DOCK1: variants seen among roughly 807,000 people sequenced by gnomAD.
DOCK1 encodes the protein dedicator of cytokinesis 1.
A neutral mutation model predicts 262.7 loss-of-function variants in DOCK1; 138 were observed. The observed-to-expected ratio is 0.53, with a 90% CI of 0.46 to 0.61. The LOEUF (loss-of-function observed/expected upper bound fraction) is 0.61, where lower values mean the gene tolerates loss of function less well. Ranked by LOEUF, DOCK1 falls within the 20% of genes least tolerant of loss-of-function variation. The pLI, the probability that DOCK1 is intolerant of heterozygous loss-of-function variation, is 0.00. For missense variants in DOCK1, 1,908 were observed against 2,370.7 expected (o/e 0.80, Z 4.05); for synonymous variants, 866 against 867.4 (o/e 1.00, Z 0.03).
At chr10:127,349,380 A>G (rs2133830346) in intron 31 of DOCK1, among the ~76,000 whole-genome samples, 2 of 152,140 alleles carry the variant, frequency 1.3e-5, no homozygotes, top group African/African-American at 4.8e-5. Flanking sequence ...CTTCGCTCTC[A>G]GGACTCTCCT....
At chr10:127,095,420 G>A (rs1285542663) in intron 23 of DOCK1, among the ~76,000 whole-genome samples, 1 of 152,216 alleles carries the variant, frequency 6.6e-6, no homozygotes, top group Admixed American at 6.5e-5. Flanking sequence ...TGAGTCAGGT[G>A]CAGGCTTCGG....
chr10:127,199,854 A>G (rs1407680040), intron 27 of DOCK1, among the ~76,000 whole-genome samples: 12 of 152,192 alleles, frequency 7.9e-5, no homozygotes, highest in Non-Finnish European at 1.5e-4. Flanking sequence ...CAATGTCCAC[A>G]TGCATGCTCC....
chr10:126,991,304 C>G (rs1275705151), intron 6 of DOCK1, among the ~76,000 whole-genome samples: 1 of 152,158 alleles, frequency 6.6e-6, no homozygotes, highest in Non-Finnish European at 1.5e-5. Flanking sequence ...GGTCCTGTAA[C>G]TAGAATGAGG....
chr10:127,237,587 A>G (rs1362903549), intron 27 of DOCK1, among the ~76,000 whole-genome samples: 1 of 152,174 alleles, frequency 6.6e-6, no homozygotes, highest in African/African-American at 2.4e-5. Context: ...TGCAAAAGCA[A>G]CAAAGCCCTC....
At chr10:127,384,646 C>A (rs948105510) in intron 37 of DOCK1, 144 bp from the exon 38 acceptor site, 2 of 1,021,104 alleles carry the variant, frequency 2.0e-6, no homozygotes. Context: ...GAGGCTCTGC[C>A]CTGGCAGTCC....
At position 127,385,716 on chromosome 10, in the gene DOCK1, C is replaced by A. The variant is rs1295368520; in HGVS notation, c.3927+807C>A. 2.0e-5 allele frequency among the ~76,000 whole-genome samples: 3 copies of A among 152,290 alleles called. No homozygotes were observed. The East Asian group carries it at 5.8e-4, about 30-fold the overall frequency. ...ATGTCACAGTGTTGGCGTGGCCGCCCCCTCTGAAGGCTGCAGGGGAAAATC... is the reference window on the plus strand; with the variant it reads ...ATGTCACAGTGTTGGCGTGGCCGCCACCTCTGAAGGCTGCAGGGGAAAATC... On this transcript the variant is annotated intron_variant, in intron 38 of 51. Coordinates refer to ENST00000623213, the MANE Select transcript of DOCK1 (RefSeq NM_001290223.2).
chr10:127,347,876 TCCCTTCC>T (rs1565012403), intron 31 of DOCK1, among the ~76,000 whole-genome samples: 1 of 33,506 alleles, frequency 3.0e-5, no homozygotes, highest in African/African-American at 1.3e-4. Context: ...TCCCTTCCCT[TCCCTTCC>T]CATCCCTTCC....
chr10:127,136,232 G>A (rs1042940080), intron 27 of DOCK1: 2 of 152,044 alleles, frequency 1.3e-5, no homozygotes, highest in South Asian at 2.1e-4. Context: ...CTAGGTCCTT[G>A]TAGAATCAAA....
intron 31 of DOCK1, among the ~76,000 whole-genome samples, chr10:127,348,206 C>A (rs1459067601): frequency 6.6e-6 from 1 of 151,896 alleles, no homozygotes; most frequent in Non-Finnish European, 1.5e-5. Context: ...ACTGGCTCAA[C>A]CTTCAGACAT....
intron 1 of DOCK1, among the ~76,000 whole-genome samples, chr10:126,914,431 C>G (rs1223009233): frequency 6.6e-6 from 1 of 152,142 alleles, no homozygotes; most frequent in African/African-American, 2.4e-5. Context: ...TAGACAGGCT[C>G]TTGGTCTACT....
intron 32 of DOCK1, among the ~76,000 whole-genome samples, chr10:127,361,275 A>G (rs748166358): frequency 8.8e-4 from 134 of 151,480 alleles, no homozygotes; most frequent in Non-Finnish European, 1.5e-3. Flanking sequence ...TACCACGCCC[A>G]GCTGATTTTT....
chr10:127,142,813 T>G (rs2051398094), intron 27 of DOCK1, among the ~76,000 whole-genome samples: 1 of 152,230 alleles, frequency 6.6e-6, no homozygotes, highest in South Asian at 2.1e-4. Context: ...GATGCATGAT[T>G]AAAGCAACTG....
chr10:127,275,316 A>C (rs924468722), intron 29 of DOCK1, among the ~76,000 whole-genome samples: 5 of 152,134 alleles, frequency 3.3e-5, no homozygotes, highest in African/African-American at 1.2e-4. Flanking sequence ...ATAGAAATTA[A>C]CAGAGAAGTA....
At chr10:127,104,085 T>C (rs1184771454) in intron 23 of DOCK1, among the ~76,000 whole-genome samples, 1 of 152,220 alleles carries the variant, frequency 6.6e-6, no homozygotes, top group Non-Finnish European at 1.5e-5. Context: ...GAGAATTGCC[T>C]CTTCATCTCT....
chr10:126,975,766 C>T (rs1018188699), intron 2 of DOCK1, among the ~76,000 whole-genome samples: 3 of 149,004 alleles, frequency 2.0e-5, no homozygotes, highest in East Asian at 2.0e-4. Flanking sequence ...TACAGGTGCA[C>T]GCCACCACGC....
intron 29 of DOCK1, among the ~76,000 whole-genome samples, chr10:127,266,496 C>CACACACACAT (rs926079609): frequency 1.3e-5 from 2 of 151,918 alleles, no homozygotes; most frequent in African/African-American, 2.4e-5. Flanking sequence ...CACACACACA[C>CACACACACAT]ACACACACAC....
chr10:127,162,941 C>T (rs2053715339), intron 27 of DOCK1, among the ~76,000 whole-genome samples: 1 of 152,190 alleles, frequency 6.6e-6, no homozygotes, highest in African/African-American at 2.4e-5. Context: ...GTTAAGGAAG[C>T]AGAGTCACAG....
intron 38 of DOCK1, among the ~76,000 whole-genome samples, chr10:127,396,510 C>T (rs1590877168): frequency 1.3e-5 from 2 of 152,234 alleles, no homozygotes; most frequent in African/African-American, 2.4e-5. Flanking sequence ...TACAACACTC[C>T]GTAAAGGATG....
At chr10:126,947,541 G>T (rs2035583849) in intron 1 of DOCK1, among the ~76,000 whole-genome samples, 1 of 129,304 alleles carries the variant, frequency 7.7e-6, no homozygotes, top group East Asian at 3.1e-4. Flanking sequence ...ATTACTGTTG[G>T]TGGTGATGGT....
Sources: allele counts gnomAD v4.1 joint callset (sites outside exome capture counted in the v4.1 genomes callset), GRCh38; gene constraint gnomAD v4.1.1; transcripts MANE v1.5; gene names NCBI Gene and HGNC (gene_info 2026-07-23, HGNC 2026-07-21).